PLCXD3: variants seen among roughly 807,000 people sequenced by gnomAD.
The protein encoded by PLCXD3 is PI-PLC X domain-containing protein 3.
PLCXD3 carries 19 observed loss-of-function variants against 25.5 expected under a neutral mutation model. The ratio of observed to expected loss-of-function variants is 0.75; its 90% CI spans 0.52 to 1.09. PLCXD3 has a LOEUF of 1.09. PLCXD3 is among the 50% of genes least tolerant of loss of function. PLCXD3 has a pLI of 0.00. For synonymous variants in PLCXD3, 174 were observed against 137.6 expected, an observed-to-expected ratio of 1.26 and a Z score of -1.85; for missense variants, 411 against 388.1, an observed-to-expected ratio of 1.06 and a Z score of -0.50.
intron 2 of PLCXD3, among the ~76,000 whole-genome samples, chr5:41,354,060 A>G (rs1458931672): frequency 6.6e-6 from 1 of 152,096 alleles, no homozygotes; most frequent in Non-Finnish European, 1.5e-5. Context: ...TGGTAGCCCC[A>G]CAGCTTTTTT....
chr5:41,356,121 C>G (rs892519532), intron 2 of PLCXD3, among the ~76,000 whole-genome samples: 6 of 152,064 alleles, frequency 3.9e-5, no homozygotes, highest in African/African-American at 1.4e-4. Flanking sequence ...AAAAAATTAG[C>G]CAGGCGTGGT....
intron 1 of PLCXD3, among the ~76,000 whole-genome samples, chr5:41,397,106 G>A (rs986433245): frequency 7.2e-5 from 11 of 152,226 alleles, no homozygotes; most frequent in African/African-American, 2.7e-4. Context: ...GCAGAAATTT[G>A]CATAAGAAGA....
chr5:41,328,753 G>A (rs1296618368), intron 2 of PLCXD3, among the ~76,000 whole-genome samples: 2 of 152,158 alleles, frequency 1.3e-5, no homozygotes, highest in Non-Finnish European at 2.9e-5. Flanking sequence ...AGAACCAGAG[G>A]TCGTCTTCTC....
chr5:41,403,103 T>A (rs1316455884), intron 1 of PLCXD3, among the ~76,000 whole-genome samples: 1 of 151,994 alleles, frequency 6.6e-6, no homozygotes. Flanking sequence ...GTTAGTTGAA[T>A]CATTCTCAGA....
intron 1 of PLCXD3, among the ~76,000 whole-genome samples, chr5:41,464,297 A>G (rs1747959657): frequency 6.6e-6 from 1 of 152,086 alleles, no homozygotes; most frequent in Admixed American, 6.6e-5. Flanking sequence ...CAAAGATTAT[A>G]TTCCTAAGAA....
intron 2 of PLCXD3, among the ~76,000 whole-genome samples, chr5:41,331,423 C>T: frequency 6.6e-6 from 1 of 152,114 alleles, no homozygotes; most frequent in Non-Finnish European, 1.5e-5. Flanking sequence ...CTACAAACCA[C>T]TGCTCAAGGA....
chr5:41,465,353 C>CTTTTTTTTTTTTTTTTTT lies in PLCXD3; in HGVS notation c.103+45053_103+45070dup, dbSNP rs58098437. ...TCCTACTTTCCCCACTAGTTCTTGT[C>CTTTTTTTTTTTTTTTTTT]TTTTTTTTTTTTTTTTTTTTTTTTT... On this transcript the variant is annotated intron_variant, in intron 1 of 2. Coordinates refer to ENST00000377801, the MANE Select transcript of PLCXD3 (RefSeq NM_001005473.3). Among the ~76,000 whole-genome samples the CTTTTTTTTTTTTTTTTTT allele has an allele frequency of 4.6e-3, 61 of 13,234 alleles. 10 individuals are homozygous for CTTTTTTTTTTTTTTTTTT. The highest frequency in any genetic ancestry group is 6.5e-3 in the South Asian group (1 of 154). 8.7% of individuals were successfully genotyped at this position (13,234 alleles called of 152,430 possible). A position where few individuals can be genotyped will look rare whatever the true frequency, so the allele number is the denominator to read the frequency against.
chr5:41,388,292 A>G (rs1745703537), intron 1 of PLCXD3, among the ~76,000 whole-genome samples: 1 of 152,128 alleles, frequency 6.6e-6, no homozygotes, highest in African/African-American at 2.4e-5. Context: ...ACAATTAGGC[A>G]GTGGAAGTAA....
chr5:41,360,498 A>G (rs1423547535), intron 2 of PLCXD3, among the ~76,000 whole-genome samples: 1 of 152,098 alleles, frequency 6.6e-6, no homozygotes, highest in Non-Finnish European at 1.5e-5. Flanking sequence ...TGTCAGAGGG[A>G]AGACTTGGGA....
intron 1 of PLCXD3, among the ~76,000 whole-genome samples, chr5:41,387,172 C>G (rs975822630): frequency 6.6e-6 from 1 of 152,064 alleles, no homozygotes; most frequent in Non-Finnish European, 1.5e-5. Flanking sequence ...AATATAGTGA[C>G]TAAGTAGCCT....
chr5:41,466,773 T>C (rs941964043), intron 1 of PLCXD3, among the ~76,000 whole-genome samples: 7 of 152,124 alleles, frequency 4.6e-5, no homozygotes, highest in African/African-American at 1.7e-4. Context: ...AATTCAACTT[T>C]ATTAGATTCC....
chr5:41,315,884 GA>G, intron 2 of PLCXD3, among the ~76,000 whole-genome samples: 2 of 152,326 alleles, frequency 1.3e-5, no homozygotes, highest in Middle Eastern at 3.4e-3. Context: ...GGGAATCACA[GA>G]TCCCAGCAGT....
chr5:41,490,751 G>A (rs1190765456), intron 1 of PLCXD3, among the ~76,000 whole-genome samples: 3 of 152,182 alleles, frequency 2.0e-5, no homozygotes, highest in Admixed American at 2.0e-4. Flanking sequence ...TCTGATGGTA[G>A]TTTGTATTTC....
At chr5:41,466,732 G>A (rs1439351364) in intron 1 of PLCXD3, among the ~76,000 whole-genome samples, 1 of 151,876 alleles carries the variant, frequency 6.6e-6, no homozygotes, top group African/African-American at 2.4e-5. Flanking sequence ...TCAGCCTCTG[G>A]TAATCATAGT....
intron 1 of PLCXD3, 23 bp downstream of exon 1, chr5:41,510,401 G>A: frequency 6.3e-7 from 1 of 1,586,934 alleles, no homozygotes; most frequent in South Asian, 1.1e-5. Flanking sequence ...CGAGCGCCTA[G>A]CCCGCAGCCC....
intron 1 of PLCXD3, among the ~76,000 whole-genome samples, chr5:41,491,103 TGA>T (rs1447262059): frequency 2.6e-5 from 4 of 152,234 alleles, no homozygotes; most frequent in Middle Eastern, 3.2e-3. Context: ...CACACTGCTT[TGA>T]ATGTGTCCCA....
rs1743119502 is a variant in PLCXD3, at chr5:41,310,830, T to C, written c.*2787A>G. The C allele has an allele frequency of 6.6e-6, 1 of 152,616 alleles. No individual in the cohort carries two copies. The highest frequency in any genetic ancestry group is 2.1e-4 in the South Asian group (1 of 4,832). 9.5% of individuals were successfully genotyped at this position (152,616 alleles called of 1,614,324 possible). On this transcript the variant is annotated 3_prime_UTR_variant, in exon 3 of 3. Transcript: ENST00000377801. The stretch of plus-strand genomic sequence containing the variant: ...GCTACATAGGCACTGTATGTCCACA[T>C]GGAAACCATAGCATTGGCTTGAAAC...
intron 2 of PLCXD3, among the ~76,000 whole-genome samples, chr5:41,340,132 GGT>G (rs35379645): frequency 0.084 from 12,846 of 152,030 alleles, 818 homozygotes; most frequent in East Asian, 0.35. Context: ...TGCTCTCCTG[GGT>G]CCTTCTCTCA....
chr5:41,375,547 G>A (rs1381434114), intron 2 of PLCXD3, among the ~76,000 whole-genome samples: 2 of 151,996 alleles, frequency 1.3e-5, no homozygotes, highest in Admixed American at 6.6e-5. Flanking sequence ...TGAGCAATAG[G>A]CACAAGGCAA....
Sources: gnomAD v4.1 joint callset for allele counts (sites outside exome capture counted in the v4.1 genomes callset) on GRCh38, gnomAD v4.1.1 for gene constraint, MANE v1.5 for transcripts, NCBI Gene and HGNC (gene_info 2026-07-23, HGNC 2026-07-21) for gene names.